EYA4: variants seen among roughly 807,000 people sequenced by gnomAD.
EYA4 encodes the protein protein phosphatase EYA4.
EYA4 carries 31 observed loss-of-function variants against 87.9 expected under a neutral mutation model. The ratio of observed to expected loss-of-function variants is 0.35; its 90% CI spans 0.27 to 0.48. The LOEUF is 0.48. EYA4 is among the 20% of genes least tolerant of loss of function. The pLI is 0.99. For missense variants in EYA4, 678 were observed against 761.4 expected (o/e 0.89, Z 1.29); for synonymous variants, 263 against 270.6 (o/e 0.97, Z 0.28).
chr6:133,439,977 T>A (rs1792110451), intron 3 of EYA4, among the ~76,000 whole-genome samples: 2 of 152,222 alleles, frequency 1.3e-5, no homozygotes, highest in Non-Finnish European at 2.9e-5. Flanking sequence ...GACGATACAC[T>A]TTTTACTGCA....
At chr6:133,409,738 C>CA (rs968294978) in intron 3 of EYA4, among the ~76,000 whole-genome samples, 12 of 151,904 alleles carry the variant, frequency 7.9e-5, no homozygotes, top group Admixed American at 3.3e-4. Flanking sequence ...CAGTTATGTA[C>CA]GATGAATAAC....
intron 2 of EYA4, among the ~76,000 whole-genome samples, chr6:133,357,436 A>C (rs1483619867): frequency 6.6e-6 from 1 of 152,186 alleles, no homozygotes; most frequent in African/African-American, 2.4e-5. Context: ...AAGTAGCAAA[A>C]TGAACTGTAG....
chr6:133,400,432 C>G (rs148650057), intron 3 of EYA4, among the ~76,000 whole-genome samples: 2 of 151,368 alleles, frequency 1.3e-5, no homozygotes, highest in Non-Finnish European at 2.9e-5. Flanking sequence ...TGCTTGAACC[C>G]GGGAGGCGGA....
At chr6:133,466,620 G>C (rs1365646251) in intron 10 of EYA4, among the ~76,000 whole-genome samples, 3 of 152,090 alleles carry the variant, frequency 2.0e-5, no homozygotes. Flanking sequence ...ATTTTGAATA[G>C]GGGAGGTTTT....
rs1305220868 is a variant in EYA4 at position 133,525,272 on chromosome 6, A to G, written c.1839+18A>G. ...CAAAAAAGGTAACCTGTCTCAAACAATGTCGGTGTGATACTTCTAATGCAA... is the reference window on the plus strand; with the variant it reads ...CAAAAAAGGTAACCTGTCTCAAACAGTGTCGGTGTGATACTTCTAATGCAA... On this transcript the variant is annotated intron_variant, in intron 19 of 19. Transcript: ENST00000355286. 9.4e-6 allele frequency: 15 copies of G among 1,596,180 alleles called. No individual in the cohort carries two copies. Among genetic ancestry groups the G allele is most frequent in the South Asian group, 3.3e-5 (3 of 90,704 alleles).
rs1799291450 is a variant in EYA4 at position 133,513,033 on chromosome 6, T to G, written c.1496T>G (p.Val499Gly). The G allele has an allele frequency of 6.2e-7, 1 of 1,613,902 alleles. No homozygotes were observed. Among genetic ancestry groups the G allele is most frequent in the Non-Finnish European group, 8.5e-7 (1 of 1,179,876 alleles). Residue 499 changes from valine (V) to glycine (G), a missense_variant, in exon 16 of 20, where the codon GTT becomes GGT. By Grantham distance (109) the Val-to-Gly change is moderately radical. Coordinates refer to ENST00000355286, the MANE Select transcript of EYA4 (RefSeq NM_004100.5). ...KELYNTYKNN[V>G]GGLLGPAKRD... is the part of the protein sequence containing the mutation. Reference sequence around the variant, plus strand: ...TTATATAACACCTACAAGAACAACGTTGGAGGTATGTGTGGCTTTTTCAAT... The same window carrying G: ...TTATATAACACCTACAAGAACAACGGTGGAGGTATGTGTGGCTTTTTCAAT...
chr6:133,415,940 TAA>T (rs1789676337), intron 3 of EYA4, among the ~76,000 whole-genome samples: 2 of 152,222 alleles, frequency 1.3e-5, no homozygotes, highest in South Asian at 4.1e-4. Flanking sequence ...AATGGCTCAA[TAA>T]ACACTTCCAG....
chr6:133,374,083 G>A (rs1210016557), intron 2 of EYA4, among the ~76,000 whole-genome samples: 1 of 152,082 alleles, frequency 6.6e-6, no homozygotes, highest in Non-Finnish European at 1.5e-5. Context: ...CATAGATAAG[G>A]AGAAAACGTG....
chr6:133,463,641 G>A (rs544034633), intron 9 of EYA4, among the ~76,000 whole-genome samples: 12 of 152,104 alleles, frequency 7.9e-5, no homozygotes, highest in Admixed American at 2.6e-4. Context: ...GATTACAGGC[G>A]TGAGCCACCA....
chr6:133,400,501 C>G (rs1394577722), intron 3 of EYA4, among the ~76,000 whole-genome samples: 1 of 41,720 alleles, frequency 2.4e-5, no homozygotes, highest in Admixed American at 2.2e-4. Context: ...AAGCAAGACT[C>G]TGTCTTGAAA....
chr6:133,428,749 C>G (rs1441421756), intron 3 of EYA4, among the ~76,000 whole-genome samples: 1 of 151,948 alleles, frequency 6.6e-6, no homozygotes, highest in Non-Finnish European at 1.5e-5. Context: ...GAATAGGAAC[C>G]TCTCCTAGAA....
At chr6:133,299,949 ATCTATC>A (rs1005410090) in intron 2 of EYA4, among the ~76,000 whole-genome samples, 48 of 137,454 alleles carry the variant, frequency 3.5e-4, no homozygotes, top group South Asian at 1.8e-3. Context: ...CTATCTATCT[ATCTATC>A]TATATATATA....
At position 133,482,209 on chromosome 6, in the gene EYA4, C is replaced by T. The variant is rs1007756641; in HGVS notation, c.1107+610C>T. Among the ~76,000 whole-genome samples the T allele has an allele frequency of 3.9e-5, 6 of 152,152 alleles. No homozygotes were observed. The South Asian group carries it at 6.2e-4, about 16-fold the overall frequency. ...GTTACTTCTTACATACCACATACTT[C>T]GGTTAAGAAAAAAATTGAACTTCCA... On this transcript the variant is annotated intron_variant, in intron 12 of 19. Transcript: ENST00000355286.
rs1338008426 is a variant in EYA4, at chr6:133,498,240, T to G, written c.1192-7866T>G. Among the ~76,000 whole-genome samples the G allele has an allele frequency of 4.6e-5, 7 of 152,312 alleles. No homozygotes were observed. In the East Asian group the frequency reaches 1.4e-3, roughly 29 times the overall value. ...GCAGTGCTAACAAACACCATATGCTTAGAGGGCTCTGGCTTTGGAGGGAGA... is the reference window on the plus strand; with the variant it reads ...GCAGTGCTAACAAACACCATATGCTGAGAGGGCTCTGGCTTTGGAGGGAGA... On this transcript the variant is annotated intron_variant, in intron 13 of 19. Transcript: ENST00000355286.
At chr6:133,318,148 T>G (rs2128346752) in intron 2 of EYA4, among the ~76,000 whole-genome samples, 1 of 152,354 alleles carries the variant, frequency 6.6e-6, no homozygotes, top group African/African-American at 2.4e-5. Context: ...CATGTAGTTA[T>G]TTAGTTGGGA....
chr6:133,457,975 G>A (rs1311144532), intron 6 of EYA4, among the ~76,000 whole-genome samples: 4 of 152,086 alleles, frequency 2.6e-5, no homozygotes, highest in Non-Finnish European at 5.9e-5. Context: ...AGTTAAAAGT[G>A]GTTAAGGCCA....
chr6:133,440,569 G>A (rs1174405818), intron 3 of EYA4, among the ~76,000 whole-genome samples: 1 of 152,130 alleles, frequency 6.6e-6, no homozygotes, highest in Non-Finnish European at 1.5e-5. Context: ...AGTATGACCA[G>A]GTCACTTCTG....
intron 2 of EYA4, among the ~76,000 whole-genome samples, chr6:133,285,234 G>A (rs1162653349): frequency 2.6e-5 from 4 of 152,162 alleles, no homozygotes; most frequent in Non-Finnish European, 5.9e-5. Context: ...CTGACCTTGT[G>A]ATCTGCCTGC....
intron 7 of EYA4, 125 bp from the exon 8 acceptor site, chr6:133,462,210 G>A (rs1345715367): frequency 4.3e-6 from 5 of 1,165,272 alleles, no homozygotes; most frequent in Non-Finnish European, 5.1e-6. Flanking sequence ...TTCCTATATT[G>A]TTAAAATTAT....
Sources: allele counts gnomAD v4.1 joint callset (sites outside exome capture counted in the v4.1 genomes callset), GRCh38; gene constraint gnomAD v4.1.1; transcripts MANE v1.5; gene names NCBI Gene and HGNC (gene_info 2026-07-23, HGNC 2026-07-21).